ATAD2: variants seen among roughly 807,000 people sequenced by gnomAD.
The protein encoded by ATAD2 is ATPase family AAA domain containing 2, also known as ATPase family AAA domain-containing protein 2.
ATAD2 carries 62 observed loss-of-function variants against 168.9 expected under a neutral mutation model. The observed-to-expected ratio is 0.37, with a 90% confidence interval of 0.30 to 0.45. The LOEUF (loss-of-function observed/expected upper bound fraction) is 0.45, where lower values mean the gene tolerates loss of function less well. ATAD2 is among the 20% of genes least tolerant of loss of function. The pLI is 1.00. For missense variants in ATAD2, 1,419 were observed against 1,667.8 expected (o/e 0.85, Z 2.60); for synonymous variants, 613 against 571.6 (o/e 1.07, Z -1.03).
rs766730848 is a variant in ATAD2 at position 123,370,009 on chromosome 8, C to A, written c.743G>T (p.Gly248Val). 6.2e-7 allele frequency: 1 copy of A among 1,601,618 alleles called. No individual in the cohort carries two copies. The highest frequency in any genetic ancestry group is 8.5e-7 in the Non-Finnish European group (1 of 1,172,124). The part of the protein sequence containing the change: ...QEGSVESSEE[G>V]EDQEHEDDGE... ...ATCATCTTCATGTTCTTGGTCTTCA[C>A]CCTCTTCAGATGACTCTACAATTAA... Residue 248 changes from glycine to valine, a missense_variant, in exon 7 of 28, where the codon GGT becomes GTT. Transcript: ENST00000287394.
chr8:123,367,178 C>T (rs1829005679), intron 8 of ATAD2, among the ~76,000 whole-genome samples: 1 of 152,050 alleles, frequency 6.6e-6, no homozygotes, highest in Non-Finnish European at 1.5e-5. Context: ...ACTTGGGAGG[C>T]CAAGGTGGGT....
chr8:123,398,908 TTAAAG>T (rs1474992895), upstream of ATAD2, among the ~76,000 whole-genome samples: 2 of 152,234 alleles, frequency 1.3e-5, no homozygotes, highest in Non-Finnish European at 1.5e-5. Flanking sequence ...GGAACAATAT[TTAAAG>T]TAGTACAGTT....
upstream of ATAD2, chr8:123,400,994 C>A: frequency 4.7e-6 from 7 of 1,476,164 alleles, no homozygotes; most frequent in Non-Finnish European, 6.6e-6. The surrounding 1 kb of genome is among the most constrained non-coding windows in gnomAD (Gnocchi z 4.5). Context: ...CATGGCTTCT[C>A]TGGTATCCCC....
At chr8:123,322,441 G>A (rs1225824874) in intron 27 of ATAD2, among the ~76,000 whole-genome samples, 1 of 152,192 alleles carries the variant, frequency 6.6e-6, no homozygotes, top group Non-Finnish European at 1.5e-5. Flanking sequence ...GGCTGAAGTG[G>A]CTGGATGGCT....
intron 1 of ATAD2, among the ~76,000 whole-genome samples, chr8:123,406,143 G>A (rs538636821): frequency 9.9e-5 from 15 of 152,230 alleles, no homozygotes; most frequent in Admixed American, 5.2e-4. Flanking sequence ...TTGGAAGGCC[G>A]AGGCAGGCGG....
At chr8:123,326,887 C>T (rs1477002035) in intron 25 of ATAD2, among the ~76,000 whole-genome samples, 1 of 151,960 alleles carries the variant, frequency 6.6e-6, no homozygotes, top group Non-Finnish European at 1.5e-5. Flanking sequence ...AAAATAAGGC[C>T]AGGAGAGGTG....
At position 123,371,276 on chromosome 8, in the gene ATAD2, C is replaced by T; in HGVS notation, c.599G>A (p.Arg200Lys). Residue 200 changes from arginine (R) to lysine (K), a missense_variant, in exon 5 of 28, where the codon AGA becomes AAA. Arg to Lys is a conservative substitution (Grantham distance 26). Coordinates refer to ENST00000287394, the MANE Select transcript of ATAD2 (RefSeq NM_014109.4). ...AAACACTCCCAAGTCTTCAAGTTCT[C>T]TCATTCGCTGTCTACGCATCTTCTT... is the stretch of plus-strand genomic sequence containing the variant. ...DMKKMRRQRMRELEDLGVFNE... is the reference protein window; with the variant it reads ...DMKKMRRQRMKELEDLGVFNE... The T allele has an allele frequency of 6.2e-7, 1 of 1,610,232 alleles. No homozygotes were observed. Among genetic ancestry groups the T allele is most frequent in the Non-Finnish European group, 8.5e-7 (1 of 1,178,554 alleles).
chr8:123,364,233 CAG>C (rs1213177823), intron 8 of ATAD2, among the ~76,000 whole-genome samples: 1 of 151,812 alleles, frequency 6.6e-6, no homozygotes. Flanking sequence ...AAAACTGAAA[CAG>C]AGTTAAGTAA....
chr8:123,406,261 C>T (rs1221981615), intron 1 of ATAD2, among the ~76,000 whole-genome samples: 1 of 150,842 alleles, frequency 6.6e-6, no homozygotes, highest in Non-Finnish European at 1.5e-5. Flanking sequence ...CCTATAATCC[C>T]AGCTACTTGG....
chr8:123,334,222 A>G lies in ATAD2; in HGVS notation c.3312T>C (p.Ile1104=). The G allele has an allele frequency of 6.3e-7, 1 of 1,591,882 alleles. No homozygotes were observed. Among genetic ancestry groups the G allele is most frequent in the Non-Finnish European group, 8.5e-7 (1 of 1,174,014 alleles). ...TACCTCTTTTCTTTCTAGATTCCTG[A>G]ATTTCTTCACAGAGCTGCTCAAAGT... ...DEDFEQLCEE[I]QESRKKRGCS... The change falls in exon 23 of 28, where the codon ATT becomes ATC. Residue 1104 remains isoleucine, a synonymous_variant. Coordinates refer to ENST00000287394, the MANE Select transcript of ATAD2 (RefSeq NM_014109.4).
At chr8:123,384,079 C>CAAAAAAA (rs754380577) in intron 1 of ATAD2, among the ~76,000 whole-genome samples, 2 of 73,398 alleles carry the variant, frequency 2.7e-5, no homozygotes, top group East Asian at 8.5e-4. Context: ...GACTCCGTCT[C>CAAAAAAA]AAAAAAAAAA....
intron 1 of ATAD2, among the ~76,000 whole-genome samples, chr8:123,415,640 G>A (rs1423081506): frequency 6.6e-6 from 1 of 152,014 alleles, no homozygotes; most frequent in Non-Finnish European, 1.5e-5. Context: ...TGTTGCCCAG[G>A]CTGGAGTGCA....
At position 123,325,940 on chromosome 8, in the gene ATAD2, G is replaced by T. The variant is rs751897630; in HGVS notation, c.3955C>A (p.Leu1319Ile). The change falls in exon 26 of 28, where the codon CTT becomes ATT. Residue 1319 changes from leucine to isoleucine, a missense_variant. Physicochemically the swap from Leu to Ile is conservative, Grantham distance 5 (BLOSUM62 2). This residue lies in a region of ATAD2 where 303 missense variants were observed against 304.3 expected (regional missense o/e 1.00). Coordinates refer to ENST00000287394, the MANE Select transcript of ATAD2 (RefSeq NM_014109.4). ...LITVEKALAI[L>I]SQPTPSLVVD... ...ACAAGTGAGGGTGTAGGCTGAGAAA[G>T]AATTGCCAAAGCCTTTTCAACAGTG... is the stretch of plus-strand genomic sequence containing the variant. The T allele has an allele frequency of 4.3e-6, 7 of 1,614,008 alleles. No homozygotes were observed. The South Asian group carries it at 6.6e-5, about 15-fold the overall frequency.
At chr8:123,342,478 G>GTT (rs1008465980) in intron 19 of ATAD2, 1 of 151,210 alleles carries the variant, frequency 6.6e-6, no homozygotes, top group Admixed American at 6.6e-5. Context: ...TGACCCCTTT[G>GTT]TAAGTTAAAA....
At chr8:123,321,463 T>C (rs1827465746) in intron 27 of ATAD2, among the ~76,000 whole-genome samples, 1 of 151,084 alleles carries the variant, frequency 6.6e-6, no homozygotes, top group Non-Finnish European at 1.5e-5. Context: ...TATTTTACAC[T>C]TTGTAGGTAT....
chr8:123,405,915 T>C (rs767922032), intron 1 of ATAD2, among the ~76,000 whole-genome samples: 1 of 152,232 alleles, frequency 6.6e-6, no homozygotes, highest in Non-Finnish European at 1.5e-5. Context: ...GTGCAATGGC[T>C]AGGTCAAAAA....
chr8:123,390,949 G>A (rs1418110645), intron 1 of ATAD2, among the ~76,000 whole-genome samples: 3 of 152,114 alleles, frequency 2.0e-5, no homozygotes, highest in African/African-American at 4.8e-5. Context: ...GAATCCACGA[G>A]GCAGAGGTTG....
intron 1 of ATAD2, among the ~76,000 whole-genome samples, chr8:123,395,531 A>G (rs1002636153): frequency 6.6e-6 from 1 of 152,152 alleles, no homozygotes; most frequent in African/African-American, 2.4e-5. Flanking sequence ...TCTACCCCTT[A>G]CTGTTTACCT....
In ATAD2 at chr8:123,320,830, A is replaced by AT. The variant is rs1563828748; in HGVS notation, c.*303dup. The AT allele has an allele frequency of 3.6e-6, 1 of 276,270 alleles. No homozygotes were observed. The highest frequency in any genetic ancestry group is 6.7e-6 in the Non-Finnish European group (1 of 150,244). 17.1% of individuals were successfully genotyped at this position (276,270 alleles called of 1,614,324 possible). A position where few individuals can be genotyped will look rare whatever the true frequency, so the allele number is the denominator to read the frequency against. On this transcript the variant is annotated 3_prime_UTR_variant, in exon 28 of 28. Coordinates refer to ENST00000287394, the MANE Select transcript of ATAD2 (RefSeq NM_014109.4). Reference sequence around the variant, plus strand: ...CAAACAAAATTTAACGCTGCTAATTATTCTTAAGTGCCATAAAACATTAGT... The same window carrying AT: ...CAAACAAAATTTAACGCTGCTAATTATTTCTTAAGTGCCATAAAACATTAGT...
Sources: gnomAD v4.1 joint callset for allele counts (sites outside exome capture counted in the v4.1 genomes callset) on GRCh38, gnomAD v4.1.1 for gene constraint, gnomAD v4.1.1 regional missense constraint, Gnocchi (gnomAD v3.1) non-coding constraint, MANE v1.5 for transcripts, NCBI Gene and HGNC (gene_info 2026-07-23, HGNC 2026-07-21) for gene names.